Variants in CHMP4B observed in about 807,000 individuals in gnomAD.
CHMP4B encodes the protein charged multivesicular body protein 4B.
CHMP4B carries 1 observed loss-of-function variant against 25.1 expected under a neutral mutation model. The observed-to-expected ratio is 0.04, with a 90% CI of 0.01 to 0.19. CHMP4B has a LOEUF of 0.19. Ranked by LOEUF, CHMP4B falls within the 10% of genes least tolerant of loss-of-function variation. CHMP4B has a pLI of 1.00. For missense variants in CHMP4B, 151 were observed against 289.7 expected, an observed-to-expected ratio of 0.52 and a Z score of 3.48; for synonymous variants, 101 against 115.6, an observed-to-expected ratio of 0.87 and a Z score of 0.81.
At chr20:33,838,387 G>A (rs1979446766) in intron 1 of CHMP4B, among the ~76,000 whole-genome samples, 1 of 152,154 alleles carries the variant, frequency 6.6e-6, no homozygotes, top group Non-Finnish European at 1.5e-5. Context: ...GAGACAGACT[G>A]GAAAGTGTGT....
chr20:33,851,457 C>G (rs1300874056), intron 3 of CHMP4B, among the ~76,000 whole-genome samples: 2 of 152,254 alleles, frequency 1.3e-5, no homozygotes, highest in East Asian at 1.9e-4. Context: ...GGCACTTACC[C>G]CTGACCCGGG....
At chr20:33,819,942 T>G (rs1313610500) in intron 1 of CHMP4B, among the ~76,000 whole-genome samples, 1 of 150,934 alleles carries the variant, frequency 6.6e-6, no homozygotes, top group African/African-American at 2.4e-5. Context: ...CCAAGGCGGG[T>G]GGATCACGAG....
At chr20:33,818,677 A>G (rs1978849295) in intron 1 of CHMP4B, among the ~76,000 whole-genome samples, 1 of 152,170 alleles carries the variant, frequency 6.6e-6, no homozygotes, top group Non-Finnish European at 1.5e-5. Context: ...CAGCTTTGAC[A>G]CTAGACATTT....
chr20:33,853,718 C>T lies in CHMP4B; in HGVS notation c.*158C>T. 1 of 474,056 alleles carries T rather than the reference C, an allele frequency of 2.1e-6. No individual in the cohort carries two copies. Among genetic ancestry groups the T allele is most frequent in the Non-Finnish European group, 3.9e-6 (1 of 254,996 alleles). 29.4% of individuals were successfully genotyped at this position (474,056 alleles called of 1,614,324 possible). A position where few individuals can be genotyped will look rare whatever the true frequency, so the allele number is the denominator to read the frequency against. ...GGGCCGCGTTGCTGCTCACTCTCTG[C>T]ATAGCATGGTCTGCACCTGGGAGAT... On this transcript the variant is annotated 3_prime_UTR_variant, in exon 5 of 5. Transcript: ENST00000217402.
At chr20:33,834,388 G>A (rs779449070) in intron 1 of CHMP4B, among the ~76,000 whole-genome samples, 12 of 151,974 alleles carry the variant, frequency 7.9e-5, no homozygotes, top group Non-Finnish European at 1.2e-4. Flanking sequence ...ATAGCTTACT[G>A]CAGCCTCAAA....
At chr20:33,849,950 A>C (rs1979801790) in intron 2 of CHMP4B, among the ~76,000 whole-genome samples, 1 of 152,010 alleles carries the variant, frequency 6.6e-6, no homozygotes, top group South Asian at 2.1e-4. Flanking sequence ...TAATTTTTAA[A>C]ATTTTCTGCA....
chr20:33,830,631 A>G (rs1979213539), intron 1 of CHMP4B, among the ~76,000 whole-genome samples: 1 of 152,086 alleles, frequency 6.6e-6, no homozygotes, highest in Non-Finnish European at 1.5e-5. Context: ...CTATAAGGCT[A>G]ATAGTCCTGT....
At position 33,811,564 on chromosome 20, in the gene CHMP4B, G is replaced by T; in HGVS notation, c.96G>T (p.Thr32=). ...AGGCCATCCAGCGGCTGCGGGACACGGAAGAGATGTTAAGCAAGAAACAGG... is the reference window on the plus strand; with the variant it reads ...AGGCCATCCAGCGGCTGCGGGACACTGAAGAGATGTTAAGCAAGAAACAGG... ...PQEAIQRLRD[T]EEMLSKKQEF... is the part of the protein sequence containing the mutation. Residue 32 remains threonine, a synonymous_variant, in exon 1 of 5, where the codon ACG becomes ACT. Transcript: ENST00000217402. 1.9e-6 allele frequency: 3 copies of T among 1,613,350 alleles called. No homozygotes were observed. Among genetic ancestry groups the T allele is most frequent in the East Asian group, 2.2e-5 (1 of 44,854 alleles).
At chr20:33,811,711 G>C (rs891186508) in intron 1 of CHMP4B, 53 bp downstream of exon 1, 5 of 1,566,026 alleles carry the variant, frequency 3.2e-6, no homozygotes, top group African/African-American at 1.3e-5. Flanking sequence ...CAGGCTCCCC[G>C]GGCCCGGACT....
At position 33,823,729 on chromosome 20, in the gene CHMP4B, C is replaced by A. The variant is rs145276191; in HGVS notation, c.190+12071C>A. Among the ~76,000 whole-genome samples, 12 of 152,234 alleles carry A rather than the reference C, an allele frequency of 7.9e-5. No individual in the cohort carries two copies. The East Asian group carries it at 2.3e-3, about 29-fold the overall frequency. On this transcript the variant is annotated intron_variant, in intron 1 of 4. Transcript: ENST00000217402. Reference sequence around the variant, plus strand: ...ATTTTTGTTTAGCCATAGGGTGAAGCCAATAGGGTTGCACGATATTGGTTA... The same window carrying A: ...ATTTTTGTTTAGCCATAGGGTGAAGACAATAGGGTTGCACGATATTGGTTA...
chr20:33,821,095 T>C (rs997709420), intron 1 of CHMP4B, among the ~76,000 whole-genome samples: 1 of 152,162 alleles, frequency 6.6e-6, no homozygotes, highest in African/African-American at 2.4e-5. Flanking sequence ...TCATTATAAA[T>C]TCCTGGTTTG....
In CHMP4B at chr20:33,845,031, C is replaced by T. The variant is rs142790148; in HGVS notation, c.191-3436C>T. Among the ~76,000 whole-genome samples the T allele has an allele frequency of 6.1e-3, 923 of 152,154 alleles. 11 individuals carry two copies. Among genetic ancestry groups the T allele is most frequent in the African/African-American group, 0.02 (835 of 41,494 alleles). ...GCCTTGGCCCCCCAAAGTGCTGGGA[C>T]TACAGGTGTGAGCCACCGCGCCCGG... On this transcript the variant is annotated intron_variant, in intron 1 of 4. Coordinates refer to ENST00000217402, the MANE Select transcript of CHMP4B (RefSeq NM_176812.5).
intron 1 of CHMP4B, among the ~76,000 whole-genome samples, chr20:33,838,210 C>G (rs1282443605): frequency 6.6e-6 from 1 of 152,228 alleles, no homozygotes; most frequent in Non-Finnish European, 1.5e-5. Flanking sequence ...AGTTGCCTAT[C>G]TTTAACTTGA....
chr20:33,853,053 G>T (rs1388942637), intron 4 of CHMP4B, among the ~76,000 whole-genome samples: 3 of 152,186 alleles, frequency 2.0e-5, no homozygotes, highest in Non-Finnish European at 4.4e-5. Flanking sequence ...CTCAAGTAGA[G>T]TCAGCTGCCT....
intron 1 of CHMP4B, among the ~76,000 whole-genome samples, chr20:33,829,239 G>C (rs772855580): frequency 2.6e-5 from 4 of 152,194 alleles, no homozygotes; most frequent in Non-Finnish European, 5.9e-5. Context: ...ATTTTCCCCA[G>C]TTCTCTCTGT....
At chr20:33,819,470 T>C (rs375584693) in intron 1 of CHMP4B, among the ~76,000 whole-genome samples, 1 of 152,064 alleles carries the variant, frequency 6.6e-6, no homozygotes, top group Non-Finnish European at 1.5e-5. Flanking sequence ...TCTTAAAGAG[T>C]CTTAGCTGAA....
intron 1 of CHMP4B, among the ~76,000 whole-genome samples, chr20:33,822,762 C>A (rs17090952): frequency 0.019 from 2,940 of 152,122 alleles, 84 homozygotes; most frequent in African/African-American, 0.067. Context: ...CAATATAGGC[C>A]CAGGCCTAGT....
chr20:33,851,963 C>T (rs750940591), intron 3 of CHMP4B, 114 bp from the exon 4 acceptor site: 14 of 1,423,450 alleles, frequency 9.8e-6, no homozygotes, highest in South Asian at 2.3e-5. Flanking sequence ...TTCACCTCCC[C>T]GCAGACCTTC....
intron 1 of CHMP4B, among the ~76,000 whole-genome samples, chr20:33,820,306 A>C (rs759477875): frequency 5.9e-5 from 9 of 152,184 alleles, no homozygotes; most frequent in Non-Finnish European, 1.2e-4. Flanking sequence ...GAGATTTTAA[A>C]ACAGATCTGG....
Sources: gnomAD v4.1 joint callset for allele counts (sites outside exome capture counted in the v4.1 genomes callset) on GRCh38, gnomAD v4.1.1 for gene constraint, MANE v1.5 for transcripts, NCBI Gene and HGNC (gene_info 2026-07-23, HGNC 2026-07-21) for gene names.